FOXP1: variants seen among roughly 807,000 people sequenced by gnomAD.
FOXP1 encodes the protein forkhead box P1, also known as forkhead box protein P1.
In FOXP1, 15 loss-of-function variants were observed where a neutral mutation model predicts 98.2. The ratio of observed to expected loss-of-function variants is 0.15; its 90% CI spans 0.10 to 0.24. The LOEUF (loss-of-function observed/expected upper bound fraction) is 0.24, where lower values mean the gene tolerates loss of function less well. Among genes scored for constraint, FOXP1 ranks in the 10% least tolerant of loss-of-function variants. FOXP1 has a pLI of 1.00. For missense variants in FOXP1, 633 were observed against 848.5 expected, an observed-to-expected ratio of 0.75 and a Z score of 3.15; for synonymous variants, 371 against 314.5, an observed-to-expected ratio of 1.18 and a Z score of -1.90.
intron 5 of FOXP1, among the ~76,000 whole-genome samples, chr3:71,253,614 C>T (rs1418131733): frequency 6.6e-6 from 1 of 152,176 alleles, no homozygotes; most frequent in Non-Finnish European, 1.5e-5. Context: ...TTTCTCTTCT[C>T]TCTCCCTTCC....
At chr3:71,568,474 C>A (rs1247129003) in intron 2 of FOXP1, among the ~76,000 whole-genome samples, 1 of 152,100 alleles carries the variant, frequency 6.6e-6, no homozygotes, top group Admixed American at 6.6e-5. Flanking sequence ...TCCCACAGGG[C>A]CCCACATACA....
At chr3:71,425,495 G>A (rs2084076687) in intron 3 of FOXP1, among the ~76,000 whole-genome samples, 2 of 152,122 alleles carry the variant, frequency 1.3e-5, no homozygotes, top group African/African-American at 4.8e-5. Flanking sequence ...TGTGGAGGGT[G>A]GGGAGGGGAG....
intron 6 of FOXP1, among the ~76,000 whole-genome samples, chr3:71,145,110 G>T: frequency 6.6e-6 from 1 of 152,162 alleles, no homozygotes; most frequent in East Asian, 1.9e-4. Flanking sequence ...CCAGCTTGGG[G>T]CAACTATAAA....
intron 4 of FOXP1, among the ~76,000 whole-genome samples, chr3:71,353,005 G>C (rs1441137628): frequency 6.6e-6 from 1 of 152,104 alleles, no homozygotes; most frequent in African/African-American, 2.4e-5. Flanking sequence ...CACCATTAAT[G>C]ACTGGGGACA....
intron 5 of FOXP1, among the ~76,000 whole-genome samples, chr3:71,245,718 T>C (rs529195101): frequency 6.6e-6 from 1 of 152,210 alleles, no homozygotes; most frequent in South Asian, 2.1e-4. Flanking sequence ...TAACCATTCA[T>C]GCACCTGAAA....
At chr3:71,323,485 G>T (rs948560207) in intron 4 of FOXP1, among the ~76,000 whole-genome samples, 2 of 151,872 alleles carry the variant, frequency 1.3e-5, no homozygotes, top group African/African-American at 2.4e-5. Context: ...AATAAGAGAA[G>T]AAAAAAAGAA....
At chr3:71,531,817 A>C (rs185098519) in intron 2 of FOXP1, among the ~76,000 whole-genome samples, 2 of 152,338 alleles carry the variant, frequency 1.3e-5, no homozygotes, top group Admixed American at 1.3e-4. Flanking sequence ...CTTCAACTAC[A>C]GCGTTCTAGA....
chr3:71,492,662 T>C (rs2091145371), intron 3 of FOXP1, among the ~76,000 whole-genome samples: 1 of 152,126 alleles, frequency 6.6e-6, no homozygotes, highest in Non-Finnish European at 1.5e-5. Context: ...CCTGAAATGA[T>C]AAGGTTCTCC....
chr3:71,244,230 T>C (rs1377935954), intron 5 of FOXP1, among the ~76,000 whole-genome samples: 1 of 152,164 alleles, frequency 6.6e-6, no homozygotes, highest in South Asian at 2.1e-4. Context: ...CTACTAAAGA[T>C]GCTGCCGCTA....
intron 3 of FOXP1, among the ~76,000 whole-genome samples, chr3:71,397,615 G>A (rs2081625746): frequency 6.6e-6 from 1 of 152,200 alleles, no homozygotes; most frequent in South Asian, 2.1e-4. Flanking sequence ...GTATGGTCAA[G>A]TCTACAAGAG....
intron 13 of FOXP1, among the ~76,000 whole-genome samples, chr3:70,997,833 G>A (rs1479191176): frequency 6.6e-6 from 1 of 152,214 alleles, no homozygotes; most frequent in Non-Finnish European, 1.5e-5. Context: ...TGATAGGTTC[G>A]AAATATGCTT....
chr3:71,250,467 G>A (rs979199053), intron 5 of FOXP1, among the ~76,000 whole-genome samples: 1 of 152,200 alleles, frequency 6.6e-6, no homozygotes, highest in African/African-American at 2.4e-5. Flanking sequence ...CACATGCCTA[G>A]TGGCTGCCAT....
intron 6 of FOXP1, among the ~76,000 whole-genome samples, chr3:71,133,054 G>A (rs1384173419): frequency 6.6e-6 from 1 of 151,292 alleles, no homozygotes; most frequent in Non-Finnish European, 1.5e-5. Flanking sequence ...AATATTCCAT[G>A]TTGTTGCAAT....
intron 6 of FOXP1, among the ~76,000 whole-genome samples, chr3:71,161,271 C>A (rs148685548): frequency 1.3e-5 from 2 of 152,106 alleles, no homozygotes; most frequent in Admixed American, 6.5e-5. Context: ...CTCAGCTAGG[C>A]GATTCTTTGG....
At chr3:71,402,430 G>A (rs1179974838) in intron 3 of FOXP1, among the ~76,000 whole-genome samples, 1 of 151,928 alleles carries the variant, frequency 6.6e-6, no homozygotes, top group African/African-American at 2.4e-5. Flanking sequence ...ACTCCAGCCT[G>A]GGCGAAAAAA....
Position 71,035,172 on chromosome 3 carries a change from C to A in FOXP1, c.869+6156G>T, listed in dbSNP as rs142719573. Among the ~76,000 whole-genome samples the A allele has an allele frequency of 2.0e-5, 3 of 152,292 alleles. No homozygotes were observed. In the East Asian group the frequency reaches 5.8e-4, roughly 29 times the overall value. On this transcript the variant is annotated intron_variant, in intron 11 of 20. Transcript: ENST00000649528. ...AACAAGCTTCCAGGTCACAGCAGAG[C>A]TGCTGGTCTGCAGCCTCTGAGTAGC...
At chr3:71,280,321 C>CTTT (rs145186097) in intron 5 of FOXP1, among the ~76,000 whole-genome samples, 58,884 of 147,636 alleles carry the variant, frequency 0.4, 11,907 homozygotes, top group Middle Eastern at 0.44. Context: ...TTTACAATAT[C>CTTT]TTTTTTTTTT....
chr3:71,532,094 A>C (rs1379864686), intron 2 of FOXP1, among the ~76,000 whole-genome samples: 2 of 152,146 alleles, frequency 1.3e-5, no homozygotes, highest in East Asian at 1.9e-4. Flanking sequence ...CTGGCACAGC[A>C]AAGAAAAAAA....
At chr3:71,450,474 T>C (rs1431150535) in intron 3 of FOXP1, among the ~76,000 whole-genome samples, 1 of 152,224 alleles carries the variant, frequency 6.6e-6, no homozygotes, top group Non-Finnish European at 1.5e-5. Flanking sequence ...TGCAAATTTG[T>C]GTACGATTTT....
Sources: gnomAD v4.1 joint callset for allele counts (sites outside exome capture counted in the v4.1 genomes callset) on GRCh38, gnomAD v4.1.1 for gene constraint, MANE v1.5 for transcripts, NCBI Gene and HGNC (gene_info 2026-07-23, HGNC 2026-07-21) for gene names.